AP2M1: variants seen among roughly 807,000 people sequenced by gnomAD.
The protein encoded by AP2M1 is adaptor related protein complex 2 subunit mu 1.
AP2M1 carries 5 observed loss-of-function variants against 54.5 expected under a neutral mutation model. The observed-to-expected ratio is 0.09, with a 90% CI of 0.05 to 0.19. AP2M1 has a LOEUF of 0.19. Ranked by LOEUF, AP2M1 falls within the 10% of genes least tolerant of loss-of-function variation. The pLI is 1.00. For synonymous variants in AP2M1, 186 were observed against 208.2 expected, an observed-to-expected ratio of 0.89 and a Z score of 0.92; for missense variants, 178 against 580.2, an observed-to-expected ratio of 0.31 and a Z score of 7.12.
At chr3:184,176,846 T>G in intron 1 of AP2M1, 105 bp from the exon 2 acceptor site, 2 of 736,846 alleles carry the variant, frequency 2.7e-6, no homozygotes, top group Middle Eastern at 2.7e-4. Context: ...GGTCACTTAC[T>G]AAAGGGTTGA....
Position 184,180,573 on chromosome 3 carries a change from C to T in AP2M1, c.424-72C>T. 3 of 1,611,350 alleles carry T rather than the reference C, an allele frequency of 1.9e-6. No individual in the cohort carries two copies. The highest frequency in any genetic ancestry group is 2.5e-6 in the Non-Finnish European group (3 of 1,179,266). ...GCCCTCTCCTCTAGGATCCAAGCCT[C>T]ATAGCTTTCTCCTCCTTTTCTGCCT... is the stretch of plus-strand genomic sequence containing the variant. On this transcript the variant is annotated intron_variant, in intron 4 of 11. Coordinates refer to ENST00000292807, the MANE Select transcript of AP2M1 (RefSeq NM_004068.4). This position sits in a 1 kb window ranked among gnomAD's most constrained non-coding sequence, Gnocchi z 4.9.
Position 184,181,379 on chromosome 3 carries a change from G to A in AP2M1, c.707+153G>A, listed in dbSNP as rs1251562250. On this transcript the variant is annotated intron_variant, in intron 7 of 11. Transcript: ENST00000292807. This position sits in a 1 kb window ranked among gnomAD's most constrained non-coding sequence, Gnocchi z 5.7. ...CTGGCTGTTCGCTCTTGACATTAGT[G>A]CTACGAGAGATGAGGGGATCGTCCT... The A allele has an allele frequency of 1.7e-6, 2 of 1,195,552 alleles. No homozygotes were observed. The highest frequency in any genetic ancestry group is 4.6e-5 in the Admixed American group (2 of 43,128). The allele number at this position is 1,195,552 out of a possible 1,614,324, so 74.1% of individuals were successfully genotyped here. A position where few individuals can be genotyped will look rare whatever the true frequency, so the allele number is the denominator to read the frequency against.
Position 184,182,982 on chromosome 3 carries a change from G to C in AP2M1, c.1173+114G>C. On this transcript the variant is annotated intron_variant, in intron 11 of 11. Transcript: ENST00000292807. This position sits in a 1 kb window ranked among gnomAD's most constrained non-coding sequence, Gnocchi z 5.5. The stretch of plus-strand genomic sequence containing the variant: ...TGAGGAAACTGAGGCCTAGAAAGAA[G>C]AACTGGCTTTAATTCATAGATCCAT... The C allele has an allele frequency of 1.1e-6, 1 of 883,244 alleles. No homozygotes were observed. The highest frequency in any genetic ancestry group is 1.9e-6 in the Non-Finnish European group (1 of 538,366). 54.7% of individuals were successfully genotyped at this position (883,244 alleles called of 1,614,324 possible). A position where few individuals can be genotyped will look rare whatever the true frequency, so the allele number is the denominator to read the frequency against.
chr3:184,183,086 C>T lies in AP2M1; in HGVS notation c.1173+218C>T. 1.7e-6 allele frequency: 1 copy of T among 599,948 alleles called. No individual in the cohort carries two copies. The highest frequency in any genetic ancestry group is 3.0e-6 in the Non-Finnish European group (1 of 335,334). 37.2% of individuals were successfully genotyped at this position (599,948 alleles called of 1,614,324 possible). Reference sequence around the variant, plus strand: ...TTTTACTTCTCTCGGCTTGTCCTAACACAGTTCTTTCAAAAAACTTAGATT... The same window carrying T: ...TTTTACTTCTCTCGGCTTGTCCTAATACAGTTCTTTCAAAAAACTTAGATT... On this transcript the variant is annotated intron_variant, in intron 11 of 11. Coordinates refer to ENST00000292807, the MANE Select transcript of AP2M1 (RefSeq NM_004068.4). The surrounding 1 kb of genome is among the most constrained non-coding windows in gnomAD (Gnocchi z 5.7).
chr3:184,177,745 G>C (rs1029443652), intron 2 of AP2M1: 9 of 855,294 alleles, frequency 1.1e-5, no homozygotes, highest in Non-Finnish European at 1.6e-5. Flanking sequence ...CCCCTTGCAC[G>C]CCCTTGTTCT....
At position 184,183,450 on chromosome 3, in the gene AP2M1, G is replaced by C; in HGVS notation, c.1174-32G>C. 1 of 1,613,384 alleles carries C rather than the reference G, an allele frequency of 6.2e-7. No homozygotes were observed. Among genetic ancestry groups the C allele is most frequent in the Non-Finnish European group, 8.5e-7 (1 of 1,179,730 alleles). ...CAGAGGAGAGCGGCTGTAAGAGGAAGGCCACATTTCTAACTAGCTCTCCTT... is the reference window on the plus strand; with the variant it reads ...CAGAGGAGAGCGGCTGTAAGAGGAACGCCACATTTCTAACTAGCTCTCCTT... On this transcript the variant is annotated intron_variant, in intron 11 of 11. Transcript: ENST00000292807. This position sits in a 1 kb window ranked among gnomAD's most constrained non-coding sequence, Gnocchi z 5.7.
At chr3:184,175,469 A>G (rs1364462413) in intron 1 of AP2M1, among the ~76,000 whole-genome samples, 4 of 152,016 alleles carry the variant, frequency 2.6e-5, no homozygotes, top group Admixed American at 6.6e-5. Flanking sequence ...GTCCTCCCCA[A>G]GGCGAAAAGC....
chr3:184,183,440 G>A lies in AP2M1; in HGVS notation c.1174-42G>A. ...CGGGACTTCCCAGAGGAGAGCGGCTGTAAGAGGAAGGCCACATTTCTAACT... is the reference window on the plus strand; with the variant it reads ...CGGGACTTCCCAGAGGAGAGCGGCTATAAGAGGAAGGCCACATTTCTAACT... On this transcript the variant is annotated intron_variant, in intron 11 of 11. Transcript: ENST00000292807. The surrounding 1 kb of genome is among the most constrained non-coding windows in gnomAD (Gnocchi z 5.7). The A allele has an allele frequency of 1.2e-6, 2 of 1,612,556 alleles. No individual in the cohort carries two copies. The highest frequency in any genetic ancestry group is 1.7e-6 in the Non-Finnish European group (2 of 1,179,302).
At position 184,179,005 on chromosome 3, in the gene AP2M1, G is replaced by T. The variant is rs761946127; in HGVS notation, c.223G>T (p.Ala75Ser). The change falls in exon 3 of 12, where the codon GCT becomes TCT. Residue 75 changes from alanine (A) to serine (S), a missense_variant. Coordinates refer to ENST00000292807, the MANE Select transcript of AP2M1 (RefSeq NM_004068.4). ...LAAVTKQNVNAAMVFEFLYKM... is the reference protein window; with the variant it reads ...LAAVTKQNVNSAMVFEFLYKM... ...AGCAGTCACCAAGCAGAATGTCAAC[G>T]CTGCCATGGTCTTCGAATTCCTCTA... 6.2e-7 allele frequency: 1 copy of T among 1,614,172 alleles called. No homozygotes were observed. The highest frequency in any genetic ancestry group is 8.5e-7 in the Non-Finnish European group (1 of 1,180,038).
In AP2M1 at chr3:184,180,485, C is replaced by A; in HGVS notation, c.424-160C>A. The A allele has an allele frequency of 8.1e-7, 1 of 1,228,796 alleles. No homozygotes were observed. The highest frequency in any genetic ancestry group is 1.2e-6 in the Non-Finnish European group (1 of 865,078). 76.1% of individuals were successfully genotyped at this position (1,228,796 alleles called of 1,614,324 possible). On this transcript the variant is annotated intron_variant, in intron 4 of 11. Transcript: ENST00000292807. The surrounding 1 kb of genome is among the most constrained non-coding windows in gnomAD (Gnocchi z 4.9). ...ACAGCTCAAGCAGTTTCCTTTTGCA[C>A]TGAGGGGTGGGGGAGGAGGCCTGGT...
At position 184,182,134 on chromosome 3, in the gene AP2M1, A is replaced by G. The variant is rs752064116; in HGVS notation, c.964-17A>G. 6.2e-7 allele frequency: 1 copy of G among 1,613,458 alleles called. No individual in the cohort carries two copies. On this transcript the variant is annotated splice_polypyrimidine_tract_variant and intron_variant, in intron 9 of 11. Transcript: ENST00000292807. This position sits in a 1 kb window ranked among gnomAD's most constrained non-coding sequence, Gnocchi z 5.5. ...TCACAGCTTGACAGAGCTCCCTGAC[A>G]GGTGTGTCACTTCTAGGTGAGGATC...
Position 184,181,534 on chromosome 3 carries a change from G to C in AP2M1, c.708-162G>C. On this transcript the variant is annotated intron_variant, in intron 7 of 11. Coordinates refer to ENST00000292807, the MANE Select transcript of AP2M1 (RefSeq NM_004068.4). The surrounding 1 kb of genome is among the most constrained non-coding windows in gnomAD (Gnocchi z 5.7). ...GAGCCCCAAGAGATGAGCTTGCAAG[G>C]CTTCCCTCTCATCCCAAGCTCTGGG... 1 of 1,040,642 alleles carries C rather than the reference G, an allele frequency of 9.6e-7. No individual in the cohort carries two copies. The highest frequency in any genetic ancestry group is 1.6e-5 in the South Asian group (1 of 63,156). 64.5% of individuals were successfully genotyped at this position (1,040,642 alleles called of 1,614,324 possible). A position where few individuals can be genotyped will look rare whatever the true frequency, so the allele number is the denominator to read the frequency against.
In AP2M1 at chr3:184,178,345, T is replaced by A; in HGVS notation, c.75-512T>A. On this transcript the variant is annotated intron_variant, in intron 2 of 11. Coordinates refer to ENST00000292807, the MANE Select transcript of AP2M1 (RefSeq NM_004068.4). This position sits in a 1 kb window ranked among gnomAD's most constrained non-coding sequence, Gnocchi z 4.9. ...GAGTTGGATCCTGGGCAAGAATGGG[T>A]AGCACAATTCCATGGCCCCTTGGTA... The A allele has an allele frequency of 7.9e-7, 1 of 1,270,778 alleles. No individual in the cohort carries two copies. Among genetic ancestry groups the A allele is most frequent in the Non-Finnish European group, 1.1e-6 (1 of 904,870 alleles). 78.7% of individuals were successfully genotyped at this position (1,270,778 alleles called of 1,614,324 possible).
rs771117882 is a variant in AP2M1 at position 184,180,155 on chromosome 3, C to T, written c.341-14C>T. 13 of 1,613,830 alleles carry T rather than the reference C, an allele frequency of 8.1e-6. No homozygotes were observed. The highest frequency in any genetic ancestry group is 1.1e-5 in the Non-Finnish European group (13 of 1,179,892). ...AGCTCTGTCCAGGGGCTGATGGTTCCCTTCTTTTTGCAGAGATTCTAGACT... is the reference window on the plus strand; with the variant it reads ...AGCTCTGTCCAGGGGCTGATGGTTCTCTTCTTTTTGCAGAGATTCTAGACT... On this transcript the variant is annotated splice_polypyrimidine_tract_variant and intron_variant, in intron 3 of 11. Coordinates refer to ENST00000292807, the MANE Select transcript of AP2M1 (RefSeq NM_004068.4). The surrounding 1 kb of genome is among the most constrained non-coding windows in gnomAD (Gnocchi z 4.9).
At position 184,181,824 on chromosome 3, in the gene AP2M1, G is replaced by A. The variant is rs757847867; in HGVS notation, c.827+9G>A. 23 of 1,614,060 alleles carry A rather than the reference G, an allele frequency of 1.4e-5. No individual in the cohort carries two copies. The highest frequency in any genetic ancestry group is 1.9e-5 in the Non-Finnish European group (23 of 1,180,054). The stretch of plus-strand genomic sequence containing the variant: ...GAGTTTGAGCTTATGAGGTGCCATT[G>A]GGGTGTGAGGAGGCAGCTAGTGCTG... On this transcript the variant is annotated intron_variant, in intron 8 of 11. Coordinates refer to ENST00000292807, the MANE Select transcript of AP2M1 (RefSeq NM_004068.4). This position sits in a 1 kb window ranked among gnomAD's most constrained non-coding sequence, Gnocchi z 5.7.
chr3:184,181,230 C>T lies in AP2M1; in HGVS notation c.707+4C>T. ...CAGCTGATGAAACAAGCAAGAGGTG[C>T]CTGAGGCAGGAGAGCTGGTGGGAGA... is the stretch of plus-strand genomic sequence containing the variant. On this transcript the variant is annotated splice_donor_region_variant and intron_variant, in intron 7 of 11. Coordinates refer to ENST00000292807, the MANE Select transcript of AP2M1 (RefSeq NM_004068.4). The surrounding 1 kb of genome is among the most constrained non-coding windows in gnomAD (Gnocchi z 5.7). The T allele has an allele frequency of 6.2e-7, 1 of 1,613,898 alleles. No individual in the cohort carries two copies. Among genetic ancestry groups the T allele is most frequent in the Non-Finnish European group, 8.5e-7 (1 of 1,179,986 alleles).
chr3:184,177,425 G>A (rs1715110135), intron 2 of AP2M1: 2 of 939,744 alleles, frequency 2.1e-6, no homozygotes, highest in East Asian at 2.7e-5. Flanking sequence ...TGGCCACGCT[G>A]GAGGCACTAA....
chr3:184,181,229 G>A lies in AP2M1; in HGVS notation c.707+3G>A. ...ACAGCTGATGAAACAAGCAAGAGGT[G>A]CCTGAGGCAGGAGAGCTGGTGGGAG... On this transcript the variant is annotated splice_donor_region_variant and intron_variant, in intron 7 of 11. Coordinates refer to ENST00000292807, the MANE Select transcript of AP2M1 (RefSeq NM_004068.4). This position sits in a 1 kb window ranked among gnomAD's most constrained non-coding sequence, Gnocchi z 5.7. 6.2e-7 allele frequency: 1 copy of A among 1,614,036 alleles called. No homozygotes were observed. The highest frequency in any genetic ancestry group is 1.1e-5 in the South Asian group (1 of 90,908).
At chr3:184,177,798 A>G (rs1468946241) in intron 2 of AP2M1, 2 of 612,250 alleles carry the variant, frequency 3.3e-6, no homozygotes, top group South Asian at 2.1e-5. Flanking sequence ...GGCGCTAAAG[A>G]GTAGGCTCCT....
Sources: allele counts gnomAD v4.1 joint callset (sites outside exome capture counted in the v4.1 genomes callset), GRCh38; gene constraint gnomAD v4.1.1; non-coding constraint Gnocchi (gnomAD v3.1); transcripts MANE v1.5; gene names NCBI Gene and HGNC (gene_info 2026-07-23, HGNC 2026-07-21).